The following PPP3CA variants were observed in gnomAD, a reference collection of about 807,000 sequenced individuals.
PPP3CA encodes CAM-PRP catalytic subunit.
PPP3CA carries 14 observed loss-of-function variants against 66.5 expected under a neutral mutation model. The observed-to-expected ratio is 0.21, with a 90% CI of 0.14 to 0.33. The LOEUF (loss-of-function observed/expected upper bound fraction) is 0.33. Among genes scored for constraint, PPP3CA ranks in the 10% least tolerant of loss-of-function variants. The probability of loss-of-function intolerance (pLI) is 1.00; values close to 1 mark genes in which losing one functional copy is unlikely to be tolerated. For synonymous variants in PPP3CA, 232 were observed against 226.2 expected (o/e 1.03, Z -0.23); for missense variants, 317 against 639.5 (o/e 0.50, Z 5.44).
rs575294013 is a variant in PPP3CA at position 101,257,500 on chromosome 4, G to T, written c.59-61384C>A. On this transcript the variant is annotated intron_variant, in intron 1 of 13. Coordinates refer to ENST00000394854, the MANE Select transcript of PPP3CA (RefSeq NM_000944.5). ...TAAGTATTTAAATCAGAGACTAATGGTTTAATATATTAATATATTTAAAGT... is the reference window on the plus strand; with the variant it reads ...TAAGTATTTAAATCAGAGACTAATGTTTTAATATATTAATATATTTAAAGT... Among the ~76,000 whole-genome samples, 11 of 151,638 alleles carry T rather than the reference G, an allele frequency of 7.3e-5. No homozygotes were observed. In the South Asian group the frequency reaches 1.9e-3, roughly 26 times the overall value.
intron 2 of PPP3CA, among the ~76,000 whole-genome samples, chr4:101,142,716 T>C (rs975801751): frequency 6.6e-6 from 1 of 152,164 alleles, no homozygotes; most frequent in African/African-American, 2.4e-5. Context: ...CTTCTTTTCT[T>C]AAAACAAAGT....
intron 2 of PPP3CA, among the ~76,000 whole-genome samples, chr4:101,125,714 A>G (rs547521150): frequency 6.6e-6 from 1 of 152,326 alleles, no homozygotes; most frequent in East Asian, 1.9e-4. Flanking sequence ...TGCCTTGGCT[A>G]GAGGTCAGGT....
intron 1 of PPP3CA, among the ~76,000 whole-genome samples, chr4:101,229,100 T>C (rs1212249987): frequency 6.6e-6 from 1 of 151,576 alleles, no homozygotes; most frequent in Non-Finnish European, 1.5e-5. Flanking sequence ...AATAAGTAAA[T>C]TATATCTCTT....
chr4:101,219,260 T>A (rs183772881), intron 1 of PPP3CA, among the ~76,000 whole-genome samples: 1 of 151,982 alleles, frequency 6.6e-6, no homozygotes, highest in Non-Finnish European at 1.5e-5. Context: ...AGTTAACAGA[T>A]TGCATGCTTC....
chr4:101,330,368 C>T (rs770708830), intron 1 of PPP3CA: 2 of 511,066 alleles, frequency 3.9e-6, no homozygotes, highest in Non-Finnish European at 7.9e-6. Context: ...TCTAAAAAAT[C>T]TACTTTCTTT....
At chr4:101,177,697 GA>G (rs1045018195) in intron 2 of PPP3CA, among the ~76,000 whole-genome samples, 2 of 151,914 alleles carry the variant, frequency 1.3e-5, no homozygotes, top group Non-Finnish European at 2.9e-5. Context: ...TCTATGAATT[GA>G]ATTTTTGAAT....
rs367814951 is a variant in PPP3CA at position 101,108,761 on chromosome 4, T to G, written c.384+193A>C. On this transcript the variant is annotated intron_variant, in intron 3 of 13. Transcript: ENST00000394854. ...TCCAGCCTGGGCGACAGAGTGAGAC[T>G]CCGTCTCAAAAACAAACAAACAAAA... Among the ~76,000 whole-genome samples the G allele has an allele frequency of 4.6e-5, 7 of 152,304 alleles. No homozygotes were observed. The East Asian group carries it at 1.3e-3, about 29-fold the overall frequency.
chr4:101,317,250 C>G (rs1417397567), intron 1 of PPP3CA, among the ~76,000 whole-genome samples: 1 of 114,036 alleles, frequency 8.8e-6, no homozygotes, highest in Non-Finnish European at 1.6e-5. Context: ...ACTCGGTACT[C>G]CCAACACACA....
intron 12 of PPP3CA, among the ~76,000 whole-genome samples, chr4:101,030,575 C>T (rs1726900897): frequency 1.3e-5 from 2 of 151,966 alleles, no homozygotes; most frequent in South Asian, 4.1e-4. Context: ...TAGAAAAACA[C>T]AAACCAATGG....
At chr4:101,108,741 C>T (rs746661704) in intron 3 of PPP3CA, among the ~76,000 whole-genome samples, 4 of 152,176 alleles carry the variant, frequency 2.6e-5, no homozygotes, top group African/African-American at 4.8e-5. Context: ...TGCACTCCAG[C>T]CTGGGCGACA....
At chr4:101,122,446 G>C (rs1204850819) in intron 2 of PPP3CA, among the ~76,000 whole-genome samples, 1 of 152,190 alleles carries the variant, frequency 6.6e-6, no homozygotes, top group Admixed American at 6.5e-5. Flanking sequence ...TTATGTTACA[G>C]ATGTGACACA....
At chr4:101,112,551 G>A (rs928840629) in intron 2 of PPP3CA, among the ~76,000 whole-genome samples, 2 of 152,056 alleles carry the variant, frequency 1.3e-5, no homozygotes, top group Non-Finnish European at 2.9e-5. Context: ...GGAAAATGAC[G>A]TGCATATAAT....
chr4:101,029,539 C>T (rs1726844027), intron 12 of PPP3CA, among the ~76,000 whole-genome samples: 1 of 151,820 alleles, frequency 6.6e-6, no homozygotes, highest in South Asian at 2.1e-4. Flanking sequence ...TTATGTAAAT[C>T]TCAACTGTGC....
At position 101,112,954 on chromosome 4, in the gene PPP3CA, T is replaced by C. The variant is rs147444765; in HGVS notation, c.260-3876A>G. On this transcript the variant is annotated intron_variant, in intron 2 of 13. Coordinates refer to ENST00000394854, the MANE Select transcript of PPP3CA (RefSeq NM_000944.5). ...CACCTGCTGTGCTAGGATTATTCTATTGGGCCTACGCTATGCTTAATTTGA... is the reference window on the plus strand; with the variant it reads ...CACCTGCTGTGCTAGGATTATTCTACTGGGCCTACGCTATGCTTAATTTGA... Among the ~76,000 whole-genome samples the C allele has an allele frequency of 1.4e-3, 211 of 152,250 alleles. 1 individual carries two copies. The highest frequency in any genetic ancestry group is 2.7e-3 in the Non-Finnish European group (181 of 68,002).
Position 101,121,497 on chromosome 4 carries a change from T to G in PPP3CA, c.260-12419A>C, listed in dbSNP as rs1306946020. 1.3e-5 allele frequency among the ~76,000 whole-genome samples: 2 copies of G among 152,060 alleles called. 1 individual carries two copies. The highest frequency in any genetic ancestry group is 4.1e-4 in the South Asian group (2 of 4,828). Reference sequence around the variant, plus strand: ...GTCATGTCACAAATCTGAAATATATTTTACAAATAACGCTTGATTTCCCTA... The same window carrying G: ...GTCATGTCACAAATCTGAAATATATGTTACAAATAACGCTTGATTTCCCTA... On this transcript the variant is annotated intron_variant, in intron 2 of 13. Transcript: ENST00000394854.
At chr4:101,046,177 C>T (rs549988160) in intron 10 of PPP3CA, among the ~76,000 whole-genome samples, 96 of 151,144 alleles carry the variant, frequency 6.4e-4, no homozygotes, top group African/African-American at 2.0e-3. Flanking sequence ...ACTGAACTGG[C>T]GGGATTTTGT....
intron 1 of PPP3CA, among the ~76,000 whole-genome samples, chr4:101,314,627 G>A (rs1188886163): frequency 6.8e-6 from 1 of 146,066 alleles, no homozygotes; most frequent in Non-Finnish European, 1.5e-5. Context: ...CTTACTTGTT[G>A]CTCTGCTGTA....
intron 2 of PPP3CA, among the ~76,000 whole-genome samples, chr4:101,118,650 A>C (rs974139111): frequency 1.5e-4 from 22 of 150,998 alleles, no homozygotes; most frequent in African/African-American, 4.4e-4. Flanking sequence ...ATTCTGCTTG[A>C]AGTTAGTTTC....
chr4:101,113,344 C>T (rs1366336897), intron 2 of PPP3CA, among the ~76,000 whole-genome samples: 1 of 152,098 alleles, frequency 6.6e-6, no homozygotes, highest in African/African-American at 2.4e-5. Context: ...GCTTTTGAGC[C>T]TCTCATAGCA....
Sources: allele counts gnomAD v4.1 joint callset (sites outside exome capture counted in the v4.1 genomes callset), GRCh38; gene constraint gnomAD v4.1.1; transcripts MANE v1.5; gene names NCBI Gene and HGNC (gene_info 2026-07-23, HGNC 2026-07-21).